RBP5: variants seen among roughly 807,000 people sequenced by gnomAD.
RBP5 encodes retinol-binding protein 5.
A neutral mutation model predicts 17.8 loss-of-function variants in RBP5; 12 were observed. The ratio of observed to expected loss-of-function variants is 0.67; its 90% CI spans 0.43 to 1.09. The LOEUF is 1.09. RBP5 is among the 50% of genes least tolerant of loss of function. The pLI is 0.00. For missense variants in RBP5, 172 were observed against 169.4 expected (o/e 1.02, Z -0.09); for synonymous variants, 64 against 68.1 (o/e 0.94, Z 0.30).
At position 7,128,422 on chromosome 12, in the gene RBP5, T is replaced by C. The variant is rs1204407114; in HGVS notation, c.74-4A>G. On this transcript the variant is annotated splice_region_variant and splice_polypyrimidine_tract_variant and intron_variant, in intron 1 of 3. Coordinates refer to ENST00000266560, the MANE Select transcript of RBP5 (RefSeq NM_031491.4). This position sits in a 1 kb window ranked among gnomAD's most constrained non-coding sequence, Gnocchi z 5.3. Reference sequence around the variant, plus strand: ...TTCCGCACAGCCAAGCTGATGTCTGTGGGGGCTGCCTGTTAGTAGGGGTGC... The same window carrying C: ...TTCCGCACAGCCAAGCTGATGTCTGCGGGGGCTGCCTGTTAGTAGGGGTGC... 1 of 1,613,948 alleles carries C rather than the reference T, an allele frequency of 6.2e-7. No individual in the cohort carries two copies. Among genetic ancestry groups the C allele is most frequent in the Admixed American group, 1.7e-5 (1 of 60,002 alleles).
At chr12:7,127,831 A>T (rs1205340346) in intron 2 of RBP5, 2 of 661,538 alleles carry the variant, frequency 3.0e-6, no homozygotes, top group Non-Finnish European at 5.5e-6. Flanking sequence ...TTAAAGGATT[A>T]ATAGGAGGAC....
At chr12:7,129,152 T>A, upstream of RBP5, 1 of 301,506 alleles carries the variant, frequency 3.3e-6, no homozygotes, top group Non-Finnish European at 6.6e-6. This position sits in a 1 kb window ranked among gnomAD's most constrained non-coding sequence, Gnocchi z 5.5. Flanking sequence ...AAGGTCAGTG[T>A]TGGCCTCCAC....
At chr12:7,121,031 A>G (rs1335409821), downstream of RBP5, 4 of 151,544 alleles carry the variant, frequency 2.6e-5, no homozygotes, top group African/African-American at 9.7e-5. Flanking sequence ...CTGTCTCAAA[A>G]AAAAAAAAAA....
In RBP5 at chr12:7,123,823, G is replaced by A. The variant is rs544810204; in HGVS notation, c.*298C>T. 12 of 386,946 alleles carry A rather than the reference G, an allele frequency of 3.1e-5. No individual in the cohort carries two copies. In the South Asian group the frequency reaches 5.8e-4, roughly 19 times the overall value. The allele number at this position is 386,946 out of a possible 1,614,324, so 24.0% of individuals were successfully genotyped here. On this transcript the variant is annotated 3_prime_UTR_variant, in exon 4 of 4. Coordinates refer to ENST00000266560, the MANE Select transcript of RBP5 (RefSeq NM_031491.4). ...GGAAAAGAAGAGGTCAAATGGACAG[G>A]AGAGAGCGGAGATTGGTTGTTCTCA...
rs938613544 is a variant in RBP5 at position 7,117,800 on chromosome 12, G to C, written n.890-493C>G. The C allele has an allele frequency of 9.2e-5, 14 of 152,156 alleles. No homozygotes were observed. The highest frequency in any genetic ancestry group is 1.5e-4 in the Non-Finnish European group (10 of 68,048). 9.4% of individuals were successfully genotyped at this position (152,156 alleles called of 1,614,324 possible). On this transcript the variant is annotated intron_variant and non_coding_transcript_variant, in intron 3 of 3. Transcript: ENST00000619522. This position sits in a 1 kb window ranked among gnomAD's most constrained non-coding sequence, Gnocchi z 4.9. ...GTCTCCATCAGCAGATTGCCCAACA[G>C]AACAAGTTCAGAGCCCAGAGATCCC... is the stretch of plus-strand genomic sequence containing the variant.
At chr12:7,121,192 G>T (rs953388098), downstream of RBP5, among the ~76,000 whole-genome samples, 1 of 152,058 alleles carries the variant, frequency 6.6e-6, no homozygotes, top group African/African-American at 2.4e-5. Flanking sequence ...CCGCATGCTG[G>T]GGATACCAGG....
chr12:7,127,459 A>C, intron 2 of RBP5: 1 of 539,110 alleles, frequency 1.9e-6, no homozygotes, highest in Middle Eastern at 4.9e-4. Context: ...TCATCTCTAG[A>C]TTACTTATAA....
chr12:7,118,926 AG>A (rs1939041755), downstream of RBP5: 2 of 153,660 alleles, frequency 1.3e-5, no homozygotes, highest in Middle Eastern at 1.0e-3. Context: ...GAGGAGGAGG[AG>A]GAGGAAGAAG....
At chr12:7,122,637 G>A (rs553711189), downstream of RBP5, 1 of 152,270 alleles carries the variant, frequency 6.6e-6, no homozygotes, top group Non-Finnish European at 1.5e-5. Flanking sequence ...GCTTGGACAT[G>A]CACTGTGAAC....
downstream of RBP5, chr12:7,121,023 G>C (rs1288965769): frequency 1.4e-5 from 2 of 146,140 alleles, no homozygotes; most frequent in Non-Finnish European, 3.0e-5. Flanking sequence ...GCAAGATTCT[G>C]TCTCAAAAAA....
At chr12:7,127,657 C>CATTG (rs937505539) in intron 2 of RBP5, 4 of 702,164 alleles carry the variant, frequency 5.7e-6, no homozygotes, top group African/African-American at 5.2e-5. Context: ...CAGTTGAAAA[C>CATTG]ATTGCCCTGG....
downstream of RBP5, among the ~76,000 whole-genome samples, chr12:7,123,472 C>T (rs1939109028): frequency 6.6e-6 from 1 of 152,170 alleles, no homozygotes; most frequent in African/African-American, 2.4e-5. Flanking sequence ...TTAGAAGCTC[C>T]CCGCCTCCCC....
At chr12:7,126,795 C>T (rs1437209997) in intron 2 of RBP5, among the ~76,000 whole-genome samples, 1 of 151,958 alleles carries the variant, frequency 6.6e-6, no homozygotes, top group Non-Finnish European at 1.5e-5. Context: ...CTACATACAT[C>T]CCCCTGTGTA....
Position 7,128,155 on chromosome 12 carries a change from G to A in RBP5, c.252+85C>T. On this transcript the variant is annotated intron_variant, in intron 2 of 3. Coordinates refer to ENST00000266560, the MANE Select transcript of RBP5 (RefSeq NM_031491.4). This position sits in a 1 kb window ranked among gnomAD's most constrained non-coding sequence, Gnocchi z 5.3. Reference sequence around the variant, plus strand: ...CCCTCCTCCCCGCTGCTCTGGCTGGGGAAGGTCACTTTGTTTTGCCCCATG... The same window carrying A: ...CCCTCCTCCCCGCTGCTCTGGCTGGAGAAGGTCACTTTGTTTTGCCCCATG... The A allele has an allele frequency of 7.9e-7, 1 of 1,268,912 alleles. No individual in the cohort carries two copies. The highest frequency in any genetic ancestry group is 1.1e-6 in the Non-Finnish European group (1 of 913,222). The allele number at this position is 1,268,912 out of a possible 1,614,324, so 78.6% of individuals were successfully genotyped here.
chr12:7,120,011 A>C (rs1276994237), downstream of RBP5, among the ~76,000 whole-genome samples: 1 of 151,952 alleles, frequency 6.6e-6, no homozygotes, highest in African/African-American at 2.4e-5. Context: ...TATGCTGGTG[A>C]CCTTCTGCTT....
chr12:7,124,590 A>C lies in RBP5; in HGVS notation c.354+39T>G. ...GGACAAGGGGATGCCTTATAGCTGG[A>C]GGCCCTTCTCCCAGACACCCAGCCC... is the stretch of plus-strand genomic sequence containing the variant. On this transcript the variant is annotated intron_variant, in intron 3 of 3. Transcript: ENST00000266560. This position sits in a 1 kb window ranked among gnomAD's most constrained non-coding sequence, Gnocchi z 5.3. 3.5e-6 allele frequency: 4 copies of C among 1,136,802 alleles called. No homozygotes were observed. Among genetic ancestry groups the C allele is most frequent in the Non-Finnish European group, 5.3e-6 (4 of 748,938 alleles). The allele number at this position is 1,136,802 out of a possible 1,614,324, so 70.4% of individuals were successfully genotyped here.
chr12:7,128,393 G>C lies in RBP5; in HGVS notation c.99C>G (p.Ile33Met), dbSNP rs754486855. 1.2e-6 allele frequency: 2 copies of C among 1,614,034 alleles called. No homozygotes were observed. The highest frequency in any genetic ancestry group is 2.7e-5 in the African/African-American group (2 of 74,942). ...ALNISLAVRKIALLLKPDKEI... is the reference protein window; with the variant it reads ...ALNISLAVRKMALLLKPDKEI... ...CCTTGTCCGGCTTCAGCAGCAGCGC[G>C]ATCTTCCGCACAGCCAAGCTGATGT... is the stretch of plus-strand genomic sequence containing the variant. The change falls in exon 2 of 4, where the codon ATC (isoleucine) becomes ATG (methionine). Residue 33 changes from isoleucine (I) to methionine (M), a missense_variant. Transcript: ENST00000266560. This position sits in a 1 kb window ranked among gnomAD's most constrained non-coding sequence, Gnocchi z 5.3.
downstream of RBP5, among the ~76,000 whole-genome samples, chr12:7,119,911 T>C (rs1356409114): frequency 6.6e-6 from 1 of 152,258 alleles, no homozygotes; most frequent in Non-Finnish European, 1.5e-5. Flanking sequence ...CTGGCCACTA[T>C]GCAGCACTGC....
intron 2 of RBP5, among the ~76,000 whole-genome samples, chr12:7,126,510 G>GGTGGTGGTGTGTGTGTGT (rs751535528): frequency 5.3e-5 from 7 of 131,122 alleles, no homozygotes; most frequent in African/African-American, 2.0e-4. Context: ...TGGTGGTGGT[G>GGTGGTGGTGTGTGTGTGT]GTGTGTGTGT....
Sources: gnomAD v4.1 joint callset for allele counts (sites outside exome capture counted in the v4.1 genomes callset) on GRCh38, gnomAD v4.1.1 for gene constraint, Gnocchi (gnomAD v3.1) non-coding constraint, MANE v1.5 for transcripts, NCBI Gene and HGNC (gene_info 2026-07-23, HGNC 2026-07-21) for gene names.